The following SEL1L3 variants were observed in gnomAD, a reference collection of about 807,000 sequenced individuals.
The protein encoded by SEL1L3 is protein sel-1 homolog 3.
SEL1L3 carries 76 observed loss-of-function variants against 142.8 expected under a neutral mutation model. That is an observed-to-expected ratio of 0.53 (90% CI 0.44 to 0.64). The LOEUF is 0.64. Ranked by LOEUF, SEL1L3 falls within the 30% of genes least tolerant of loss-of-function variation. The pLI, the probability that SEL1L3 is intolerant of heterozygous loss-of-function variation, is 0.00. For missense variants in SEL1L3, 1,262 were observed against 1,381.7 expected, an observed-to-expected ratio of 0.91 and a Z score of 1.37; for synonymous variants, 504 against 519.6, an observed-to-expected ratio of 0.97 and a Z score of 0.41.
At chr4:25,716,317 A>T in the SEL1L3 span, among the ~76,000 whole-genome samples, 1 of 152,320 alleles carries the variant, frequency 6.6e-6, no homozygotes, top group South Asian at 2.1e-4. Flanking sequence ...CTATCATTTT[A>T]CTACAGTTGA....
the SEL1L3 span, among the ~76,000 whole-genome samples, chr4:25,738,449 T>C: frequency 2.6e-5 from 4 of 152,144 alleles, no homozygotes; most frequent in African/African-American, 4.8e-5. Flanking sequence ...ACTAGAGCTT[T>C]TGCACCCTTC....
chr4:25,830,132 G>A lies in SEL1L3; in HGVS notation c.1123C>T (p.Gln375Ter), dbSNP rs1371734321. 3 of 1,610,586 alleles carry A rather than the reference G, an allele frequency of 1.9e-6. No individual in the cohort carries two copies. Among genetic ancestry groups the A allele is most frequent in the Admixed American group, 3.3e-5 (2 of 59,988 alleles). Residue 375 changes from glutamine (Q) to a stop codon, truncating the protein, a stop_gained, in exon 6 of 24, where the codon CAG becomes TAG. Transcript: ENST00000399878. LOFTEE classifies it high-confidence loss of function. ...TGATTGTGGTAGCTTTTCAAATCCT[G>A]TCCAATGCTAGTGGTTACTACTATC... is the stretch of plus-strand genomic sequence containing the variant. ...GQIVVTTSIG[Q>*]DLKSYHNQTI...
chr4:25,831,918 C>G (rs774556755), intron 5 of SEL1L3, among the ~76,000 whole-genome samples: 1 of 152,130 alleles, frequency 6.6e-6, no homozygotes, highest in Non-Finnish European at 1.5e-5. Flanking sequence ...GCCTTGCATA[C>G]AGTAGGTGCA....
intron 1 of SEL1L3, among the ~76,000 whole-genome samples, chr4:25,854,330 T>C (rs1286512959): frequency 1.3e-5 from 2 of 152,186 alleles, no homozygotes; most frequent in African/African-American, 2.4e-5. Flanking sequence ...CAGGCTCAAG[T>C]GCAGTGGCAC....
upstream of SEL1L3, chr4:25,862,991 C>T: frequency 6.1e-6 from 2 of 327,736 alleles, no homozygotes; most frequent in Non-Finnish European, 8.6e-6. Context: ...CCGCCACTGC[C>T]GCTCCCGCCG....
chr4:25,741,315 G>T, the SEL1L3 span, among the ~76,000 whole-genome samples: 1 of 151,536 alleles, frequency 6.6e-6, no homozygotes, highest in Middle Eastern at 3.3e-3. Context: ...TCCCTAGGCT[G>T]GTCTCGAACT....
chr4:25,803,261 C>T (rs1030808464), intron 10 of SEL1L3, among the ~76,000 whole-genome samples: 2 of 152,256 alleles, frequency 1.3e-5, no homozygotes, highest in Non-Finnish European at 2.9e-5. Context: ...CACTTCGTGG[C>T]AGAGATGGGA....
At chr4:25,844,609 G>A (rs79154318) in intron 2 of SEL1L3, among the ~76,000 whole-genome samples, 1,857 of 152,282 alleles carry the variant, frequency 0.012, 28 homozygotes, top group Non-Finnish European at 0.021. Flanking sequence ...GAGCCAGTTC[G>A]TTAAATGATT....
intron 2 of SEL1L3, among the ~76,000 whole-genome samples, chr4:25,843,881 G>A (rs1170875357): frequency 6.6e-6 from 1 of 152,264 alleles, no homozygotes; most frequent in Non-Finnish European, 1.5e-5. Flanking sequence ...CTGGACACAC[G>A]TGGCCCTCGC....
At chr4:25,810,351 C>T (rs753462829) in intron 9 of SEL1L3, among the ~76,000 whole-genome samples, 16 of 152,140 alleles carry the variant, frequency 1.1e-4, no homozygotes, top group Non-Finnish European at 4.4e-5. Context: ...ACCAAGAGCC[C>T]GGACTGCCAC....
intron 20 of SEL1L3, among the ~76,000 whole-genome samples, chr4:25,760,882 T>C (rs1718330497): frequency 6.6e-6 from 1 of 152,154 alleles, no homozygotes; most frequent in African/African-American, 2.4e-5. Flanking sequence ...GGTAGTCTTA[T>C]CCTCCCTGTT....
intron 11 of SEL1L3, among the ~76,000 whole-genome samples, chr4:25,791,918 A>C (rs560205674): frequency 6.6e-6 from 1 of 152,176 alleles, no homozygotes; most frequent in East Asian, 1.9e-4. Context: ...GTCTAAAAAA[A>C]AAAAAAAAAG....
At chr4:25,830,715 C>T (rs767906237) in intron 5 of SEL1L3, among the ~76,000 whole-genome samples, 2 of 152,154 alleles carry the variant, frequency 1.3e-5, no homozygotes, top group Non-Finnish European at 2.9e-5. Flanking sequence ...AGCCTCTCGA[C>T]TCAAGGGGCC....
chr4:25,744,682 G>GC (rs1275223984), downstream of SEL1L3, among the ~76,000 whole-genome samples: 1 of 152,084 alleles, frequency 6.6e-6, no homozygotes, highest in African/African-American at 2.4e-5. Flanking sequence ...TTAATTAGAG[G>GC]CCAGGGGTAC....
chr4:25,849,558 G>A (rs1414852032), intron 1 of SEL1L3, among the ~76,000 whole-genome samples: 1 of 152,126 alleles, frequency 6.6e-6, no homozygotes, highest in Non-Finnish European at 1.5e-5. Context: ...GGATTTAATG[G>A]GTCCAGAGTT....
intron 23 of SEL1L3, among the ~76,000 whole-genome samples, chr4:25,752,203 G>A (rs1479771479): frequency 6.6e-6 from 1 of 151,562 alleles, no homozygotes; most frequent in Non-Finnish European, 1.5e-5. Flanking sequence ...GATCACTTGA[G>A]GTCAGGAGTT....
chr4:25,844,836 G>A (rs1036280333), intron 2 of SEL1L3, among the ~76,000 whole-genome samples: 2 of 152,204 alleles, frequency 1.3e-5, no homozygotes, highest in African/African-American at 4.8e-5. Context: ...GGAAGAGGGA[G>A]GCACACTGAT....
In SEL1L3 at chr4:25,802,287, T is replaced by C; in HGVS notation, c.1952A>G (p.Asp651Gly). 6.2e-7 allele frequency: 1 copy of C among 1,611,570 alleles called. No homozygotes were observed. Among genetic ancestry groups the C allele is most frequent in the Non-Finnish European group, 8.5e-7 (1 of 1,178,824 alleles). Reference protein sequence around the residue: ...TPLDQHTLQGDQAYVETIRLK... With the variant: ...TPLDQHTLQGGQAYVETIRLK... ...AACCTTTTTTCTCTCTCATACCTGATCTCCTTGCAGTGTGTGCTGGTCAAG... is the reference window on the plus strand; with the variant it reads ...AACCTTTTTTCTCTCTCATACCTGACCTCCTTGCAGTGTGTGCTGGTCAAG... Residue 651 changes from aspartate to glycine, a missense_variant, in exon 11 of 24, where the codon GAT (aspartate) becomes GGT (glycine). Physicochemically the swap from Asp to Gly is moderately conservative, Grantham distance 94 (BLOSUM62 -1). Transcript: ENST00000399878.
At chr4:25,841,914 C>G (rs1442468149) in intron 2 of SEL1L3, among the ~76,000 whole-genome samples, 1 of 152,010 alleles carries the variant, frequency 6.6e-6, no homozygotes, top group Non-Finnish European at 1.5e-5. Context: ...GAGCTGAGAT[C>G]GCGCCACTGC....
Sources: allele counts gnomAD v4.1 joint callset (sites outside exome capture counted in the v4.1 genomes callset), GRCh38; gene constraint gnomAD v4.1.1; transcripts MANE v1.5; gene names NCBI Gene and HGNC (gene_info 2026-07-23, HGNC 2026-07-21).